EYS: variants seen among roughly 807,000 people sequenced by gnomAD.
EYS encodes the protein EGF-like photoreceptor maintenance factor.
In EYS, 250 loss-of-function variants were observed where a neutral mutation model predicts 282.1. The observed-to-expected ratio is 0.89, with a 90% CI of 0.80 to 0.98. The LOEUF is 0.98. EYS is among the 50% of genes least tolerant of loss of function. The pLI is 0.00. For synonymous variants in EYS, 1,355 were observed against 1,282.9 expected, an observed-to-expected ratio of 1.06 and a Z score of -1.20; for missense variants, 4,016 against 3,709.0, an observed-to-expected ratio of 1.08 and a Z score of -2.15.
At chr6:65,059,228 G>GA (rs1035665977) in intron 12 of EYS, among the ~76,000 whole-genome samples, 1 of 151,570 alleles carries the variant, frequency 6.6e-6, no homozygotes, top group African/African-American at 2.4e-5. Context: ...AGTTTAACCA[G>GA]AAAAAAAGTT....
intron 26 of EYS, among the ~76,000 whole-genome samples, chr6:64,552,729 A>G (rs773693548): frequency 6.6e-5 from 10 of 151,460 alleles, no homozygotes; most frequent in Non-Finnish European, 1.2e-4. Context: ...CCTGGCCAAC[A>G]TGGTGAACCC....
chr6:65,161,418 C>T (rs1408913710), intron 12 of EYS, among the ~76,000 whole-genome samples: 1 of 150,946 alleles, frequency 6.6e-6, no homozygotes, highest in Admixed American at 6.6e-5. Flanking sequence ...AGAGCATGAG[C>T]CTGAATTTAT....
At chr6:63,802,214 TTACA>T (rs1211333397) in intron 37 of EYS, among the ~76,000 whole-genome samples, 1 of 152,198 alleles carries the variant, frequency 6.6e-6, no homozygotes, top group Non-Finnish European at 1.5e-5. Flanking sequence ...TGGCCAATAA[TTACA>T]TACCTTAGTC....
In EYS at chr6:65,538,556, A is replaced by T. The variant is rs551404584; in HGVS notation, c.-332-42563T>A. On this transcript the variant is annotated intron_variant, in intron 2 of 42. Coordinates refer to ENST00000503581, the MANE Select transcript of EYS (RefSeq NM_001142800.2). ...TTCACCTTCCTAACAAATAAAACAT[A>T]TATTGAGTATCTCCCAAAAAAAGTA... 1.9e-4 allele frequency among the ~76,000 whole-genome samples: 29 copies of T among 152,254 alleles called. 1 individual carries two copies. The South Asian group carries it at 3.1e-3, about 16-fold the overall frequency.
intron 36 of EYS, among the ~76,000 whole-genome samples, chr6:63,836,627 G>T (rs541533540): frequency 6.6e-6 from 1 of 151,996 alleles, no homozygotes; most frequent in African/African-American, 2.4e-5. Context: ...CATATGGTAT[G>T]GGAAGAAACT....
intron 14 of EYS, among the ~76,000 whole-genome samples, chr6:64,979,976 T>C (rs1770598228): frequency 6.6e-6 from 1 of 151,568 alleles, no homozygotes; most frequent in Non-Finnish European, 1.5e-5. Context: ...GCACAATCCT[T>C]GGAGACACTA....
chr6:64,083,586 A>G (rs959978684), intron 31 of EYS, among the ~76,000 whole-genome samples: 2 of 152,184 alleles, frequency 1.3e-5, no homozygotes, highest in Non-Finnish European at 2.9e-5. Flanking sequence ...AGCTGTTAGA[A>G]ATGGCAATTG....
At chr6:64,837,130 C>A (rs557044201) in intron 19 of EYS, among the ~76,000 whole-genome samples, 1 of 151,742 alleles carries the variant, frequency 6.6e-6, no homozygotes, top group African/African-American at 2.4e-5. Context: ...TTATTGTTCA[C>A]TTTTTGTGGT....
At chr6:64,050,096 TATTATAGCAGTC>T (rs1770757912) in intron 33 of EYS, among the ~76,000 whole-genome samples, 1 of 152,186 alleles carries the variant, frequency 6.6e-6, no homozygotes. Context: ...TAAAACATGT[TATTATAGCAGTC>T]ATTATTCACC....
chr6:63,895,330 T>C (rs887708091), intron 35 of EYS, among the ~76,000 whole-genome samples: 1 of 152,096 alleles, frequency 6.6e-6, no homozygotes, highest in Admixed American at 6.6e-5. Flanking sequence ...TAAGAGAAAA[T>C]GGAGGCAATA....
intron 13 of EYS, among the ~76,000 whole-genome samples, chr6:65,023,208 G>A (rs1398063802): frequency 6.6e-6 from 1 of 152,008 alleles, no homozygotes; most frequent in East Asian, 1.9e-4. Context: ...TTAACTTATA[G>A]TAAGTTAATA....
chr6:64,928,524 A>G (rs1768590836), intron 15 of EYS, among the ~76,000 whole-genome samples: 1 of 152,092 alleles, frequency 6.6e-6, no homozygotes, highest in Non-Finnish European at 1.5e-5. Context: ...TTCATTTCTA[A>G]TGAGCCATTG....
intron 28 of EYS, among the ~76,000 whole-genome samples, chr6:64,419,793 C>T (rs1475508346): frequency 6.6e-6 from 1 of 152,256 alleles, no homozygotes; most frequent in African/African-American, 2.4e-5. Context: ...ACAGCATCCC[C>T]TCCTGGCTGC....
At chr6:64,227,083 T>TA (rs1454830440) in intron 31 of EYS, among the ~76,000 whole-genome samples, 2 of 152,132 alleles carry the variant, frequency 1.3e-5, no homozygotes, top group Non-Finnish European at 2.9e-5. Context: ...CGCAATTATA[T>TA]ATTTTTTCAG....
chr6:65,650,493 G>A (rs1418429447), intron 1 of EYS, among the ~76,000 whole-genome samples: 1 of 152,144 alleles, frequency 6.6e-6, no homozygotes, highest in East Asian at 1.9e-4. Context: ...CAGACCCCAG[G>A]TGAGTTTGAA....
intron 12 of EYS, among the ~76,000 whole-genome samples, chr6:65,058,658 G>A (rs549976527): frequency 1.3e-5 from 2 of 150,686 alleles, no homozygotes; most frequent in East Asian, 2.0e-4. Context: ...TATAGTCTTA[G>A]CATTTTCTTT....
At chr6:63,793,240 G>C (rs1270379336) in intron 37 of EYS, among the ~76,000 whole-genome samples, 1 of 152,150 alleles carries the variant, frequency 6.6e-6, no homozygotes, top group East Asian at 1.9e-4. Flanking sequence ...AATGATGATA[G>C]AGAAGAAAAC....
chr6:65,584,436 T>C (rs541416488), intron 2 of EYS, among the ~76,000 whole-genome samples: 5 of 152,200 alleles, frequency 3.3e-5, no homozygotes, highest in South Asian at 4.1e-4. Flanking sequence ...ATGGTTTCTA[T>C]ATCTGGGATT....
intron 26 of EYS, among the ~76,000 whole-genome samples, chr6:64,575,671 T>A (rs1401412903): frequency 6.6e-6 from 1 of 151,998 alleles, no homozygotes; most frequent in Non-Finnish European, 1.5e-5. Context: ...TGTCAGAATA[T>A]GGTAAATTAG....
Sources: allele counts gnomAD v4.1 joint callset (sites outside exome capture counted in the v4.1 genomes callset), GRCh38; gene constraint gnomAD v4.1.1; transcripts MANE v1.5; gene names NCBI Gene and HGNC (gene_info 2026-07-23, HGNC 2026-07-21).